The following PRKACB variants were observed in gnomAD, a reference collection of about 807,000 sequenced individuals.
PRKACB encodes protein kinase cAMP-activated catalytic subunit beta.
Under a neutral mutation model 51.4 loss-of-function variants are expected in PRKACB, and 16 were observed. The ratio of observed to expected loss-of-function variants is 0.31; its 90% CI spans 0.21 to 0.47. The LOEUF (loss-of-function observed/expected upper bound fraction) is 0.47. PRKACB is among the 20% of genes least tolerant of loss of function. The probability of loss-of-function intolerance (pLI) is 1.00; values close to 1 mark genes in which losing one functional copy is unlikely to be tolerated. For missense variants in PRKACB, 309 were observed against 464.5 expected (o/e 0.67, Z 3.08); for synonymous variants, 147 against 154.4 (o/e 0.95, Z 0.35).
At chr1:84,143,740 A>G (rs41300502), upstream of PRKACB, among the ~76,000 whole-genome samples, 2,050 of 152,296 alleles carry the variant, frequency 0.013, 53 homozygotes, top group African/African-American at 0.046. Context: ...TAGTTCCTGT[A>G]TGTATTAGGC....
chr1:84,179,015 T>C (rs1662287199), intron 1 of PRKACB, 162 bp from the exon 2 acceptor site: 1 of 771,890 alleles, frequency 1.3e-6, no homozygotes, highest in Non-Finnish European at 1.9e-6. Context: ...TTCTTAGAGA[T>C]ACTAAATAGC....
chr1:84,231,447 G>C (rs1418215520), intron 9 of PRKACB, among the ~76,000 whole-genome samples: 3 of 152,170 alleles, frequency 2.0e-5, no homozygotes, highest in African/African-American at 7.2e-5. Flanking sequence ...AAATGAGTTA[G>C]GGAGGATTCC....
At chr1:84,169,026 A>G (rs1471220895) in intron 1 of PRKACB, among the ~76,000 whole-genome samples, 1 of 151,682 alleles carries the variant, frequency 6.6e-6, no homozygotes, top group African/African-American at 2.4e-5. Context: ...GTCTAACAGC[A>G]TCTAAACAGG....
At chr1:84,142,166 G>A (rs1653482915), upstream of PRKACB, among the ~76,000 whole-genome samples, 1 of 152,024 alleles carries the variant, frequency 6.6e-6, no homozygotes, top group Admixed American at 6.5e-5. Context: ...TGTAATACAT[G>A]CATTTCATTT....
chr1:84,181,822 T>C (rs1174224466), intron 2 of PRKACB: 2 of 812,240 alleles, frequency 2.5e-6, no homozygotes, highest in Admixed American at 3.6e-5. Context: ...TATGACTCTT[T>C]GTCAGTATGC....
upstream of PRKACB, among the ~76,000 whole-genome samples, chr1:84,142,578 A>G (rs916144808): frequency 3.3e-5 from 5 of 152,338 alleles, no homozygotes; most frequent in Middle Eastern, 3.4e-3. Context: ...GCTGTTGCAT[A>G]TTTGTTTAGA....
At chr1:84,185,323 C>A in intron 5 of PRKACB, 141 bp downstream of exon 5, 1 of 513,966 alleles carries the variant, frequency 1.9e-6, no homozygotes, top group Non-Finnish European at 3.4e-6. Flanking sequence ...AACAAAGAGG[C>A]CACATCATAC....
intron 8 of PRKACB, among the ~76,000 whole-genome samples, chr1:84,207,384 A>G (rs752381695): frequency 6.6e-6 from 1 of 152,200 alleles, no homozygotes; most frequent in South Asian, 2.1e-4. Context: ...TTCTTTTCAC[A>G]TATAGAATCC....
chr1:84,118,992 A>C (rs1571652076), intron 1 of PRKACB, among the ~76,000 whole-genome samples: 1 of 152,192 alleles, frequency 6.6e-6, no homozygotes, highest in Non-Finnish European at 1.5e-5. Flanking sequence ...AAAGGAAATA[A>C]TTTTTTAAGG....
intron 5 of PRKACB, among the ~76,000 whole-genome samples, chr1:84,194,362 C>T (rs1415351672): frequency 6.6e-6 from 1 of 152,168 alleles, no homozygotes; most frequent in Admixed American, 6.6e-5. Flanking sequence ...CTTGCCTTAT[C>T]TCATCTTTCA....
intron 1 of PRKACB, among the ~76,000 whole-genome samples, chr1:84,078,767 G>A (rs899109024): frequency 1.4e-4 from 21 of 152,256 alleles, no homozygotes; most frequent in African/African-American, 4.8e-4. Context: ...GGTAAGGTTG[G>A]CTCTTCTCCC....
At chr1:84,120,919 G>T (rs1651014212) in intron 1 of PRKACB, among the ~76,000 whole-genome samples, 1 of 152,036 alleles carries the variant, frequency 6.6e-6, no homozygotes, top group Non-Finnish European at 1.5e-5. Flanking sequence ...TCCCTGAGAA[G>T]TTTCTTTTGT....
chr1:84,213,099 T>C (rs1392010181), intron 8 of PRKACB, among the ~76,000 whole-genome samples: 1 of 152,106 alleles, frequency 6.6e-6, no homozygotes, highest in African/African-American at 2.4e-5. Context: ...CTTTAAAGTG[T>C]TTTCTACAAA....
chr1:84,133,771 T>G (rs1414558595), intron 1 of PRKACB, among the ~76,000 whole-genome samples: 1 of 152,208 alleles, frequency 6.6e-6, no homozygotes, highest in Non-Finnish European at 1.5e-5. Flanking sequence ...CAACACCTAG[T>G]GAGGGAGTAC....
intron 3 of PRKACB, among the ~76,000 whole-genome samples, chr1:84,182,543 A>G (rs1023470337): frequency 1.3e-5 from 2 of 151,986 alleles, no homozygotes; most frequent in African/African-American, 4.8e-5. Context: ...ACGTCCATGG[A>G]TTTAACCAAT....
chr1:84,200,759 G>T (rs577192233), intron 7 of PRKACB, among the ~76,000 whole-genome samples: 2 of 152,192 alleles, frequency 1.3e-5, no homozygotes, highest in African/African-American at 4.8e-5. Flanking sequence ...CCCATTGCTT[G>T]GTTTTGTCAG....
chr1:84,165,539 G>A (rs1282931921), intron 1 of PRKACB, among the ~76,000 whole-genome samples: 3 of 151,898 alleles, frequency 2.0e-5, no homozygotes, highest in South Asian at 4.1e-4. Flanking sequence ...AATAATTAGA[G>A]CATTTTGGTT....
At position 84,112,421 on chromosome 1, in the gene PRKACB, G is replaced by A. The variant is rs563492081; in HGVS notation, c.46+34050G>A. ...CTGATTTTTGTATTTCTTTTCAGTAGAGATGGGATTTCACCATGTTGGCCA... is the reference window on the plus strand; with the variant it reads ...CTGATTTTTGTATTTCTTTTCAGTAAAGATGGGATTTCACCATGTTGGCCA... On this transcript the variant is annotated intron_variant, in intron 1 of 8. Coordinates refer to the PRKACB transcript ENST00000370688. 5.9e-5 allele frequency among the ~76,000 whole-genome samples: 9 copies of A among 151,902 alleles called. No individual in the cohort carries two copies. In the East Asian group the frequency reaches 1.7e-3, roughly 30 times the overall value.
intron 1 of PRKACB, among the ~76,000 whole-genome samples, chr1:84,130,477 C>G (rs1402020016): frequency 2.0e-5 from 3 of 151,962 alleles, no homozygotes; most frequent in Non-Finnish European, 4.4e-5. Flanking sequence ...TTGTAAACAA[C>G]AGGAAAACAT....
Sources: gnomAD v4.1 joint callset for allele counts (sites outside exome capture counted in the v4.1 genomes callset) on GRCh38, gnomAD v4.1.1 for gene constraint, MANE v1.5 for transcripts, NCBI Gene and HGNC (gene_info 2026-07-23, HGNC 2026-07-21) for gene names.